TBX18: variants seen among roughly 807,000 people sequenced by gnomAD.
TBX18 encodes the protein T-box transcription factor 18.
Under a neutral mutation model 55.0 loss-of-function variants are expected in TBX18, and 21 were observed. That is an observed-to-expected ratio of 0.38 (90% CI 0.27 to 0.55). The LOEUF (loss-of-function observed/expected upper bound fraction) is 0.55, where lower values mean the gene tolerates loss of function less well. Among genes scored for constraint, TBX18 ranks in the 20% least tolerant of loss-of-function variants. The pLI, the probability that TBX18 is intolerant of heterozygous loss-of-function variation, is 0.73. For synonymous variants in TBX18, 342 were observed against 326.1 expected (o/e 1.05, Z -0.53); for missense variants, 840 against 799.6 (o/e 1.05, Z -0.61).
At position 84,760,337 on chromosome 6, in the gene TBX18, T is replaced by C; in HGVS notation, c.517A>G (p.Arg173Gly). Residue 173 changes from arginine to glycine, a missense_variant, in exon 3 of 8, where the codon AGA (arginine) becomes GGA (glycine). Coordinates refer to ENST00000369663, the MANE Select transcript of TBX18 (RefSeq NM_001080508.3). The stretch of plus-strand genomic sequence containing the variant: ...GGATCTAATCCAGAGATCTTCACTC[T>C]CATTGCTGGAAACATGCGCCTATTT... Reference protein sequence around the residue: ...KAGRRMFPAMRVKISGLDPHQ... With the variant: ...KAGRRMFPAMGVKISGLDPHQ... The C allele has an allele frequency of 6.2e-7, 1 of 1,603,204 alleles. No individual in the cohort carries two copies. Among genetic ancestry groups the C allele is most frequent in the Non-Finnish European group, 8.5e-7 (1 of 1,173,748 alleles).
chr6:84,754,384 A>G (rs1214242906), intron 4 of TBX18, among the ~76,000 whole-genome samples: 2 of 152,168 alleles, frequency 1.3e-5, no homozygotes, highest in African/African-American at 4.8e-5. Context: ...ACCAAAGGCA[A>G]TTCACTTGCT....
At chr6:84,757,288 G>A (rs1010771274) in intron 3 of TBX18, among the ~76,000 whole-genome samples, 1 of 152,188 alleles carries the variant, frequency 6.6e-6, no homozygotes, top group South Asian at 2.1e-4. Context: ...AAAATGCCCC[G>A]CTTCCTTCAA....
chr6:84,748,598 G>C (rs942494726), intron 4 of TBX18, among the ~76,000 whole-genome samples: 3 of 152,234 alleles, frequency 2.0e-5, no homozygotes, highest in African/African-American at 4.8e-5. Flanking sequence ...TCTGTTTTTT[G>C]TGTGGCTCAC....
rs535247265 is a variant in TBX18 at position 84,764,550 on chromosome 6, T to G, written c.-369A>C. The G allele has an allele frequency of 1.5e-4, 31 of 200,342 alleles. 1 individual carries two copies. The highest frequency in any genetic ancestry group is 9.6e-4 in the Admixed American group (16 of 16,586). The allele number at this position is 200,342 out of a possible 1,614,324, so 12.4% of individuals were successfully genotyped here. The stretch of plus-strand genomic sequence containing the variant: ...TGTGGACACAAATTAGGGATTGTAA[T>G]TGAAATTTGTTGCCTTGATCTGTCA... On this transcript the variant is annotated 5_prime_UTR_variant, in exon 1 of 8. Transcript: ENST00000369663.
Position 84,736,694 on chromosome 6 carries a change from A to G in TBX18, c.1815T>C (p.His605=). 4 of 1,559,870 alleles carry G rather than the reference A, an allele frequency of 2.6e-6. No homozygotes were observed. Among genetic ancestry groups the G allele is most frequent in the Non-Finnish European group, 3.5e-6 (4 of 1,157,174 alleles). Residue 605 remains histidine, a synonymous_variant, in exon 8 of 8, where the codon CAT becomes CAC. Coordinates refer to ENST00000369663, the MANE Select transcript of TBX18 (RefSeq NM_001080508.3). ...LTLSSSQVSA[H]MV is the part of the protein sequence containing the mutation. ...TAACTTAAAGGCTTCATCAGACCAT[A>G]TGTGCAGATACTTGAGATGATGACA...
chr6:84,737,908 T>A (rs1248411893), intron 7 of TBX18, among the ~76,000 whole-genome samples: 1 of 152,202 alleles, frequency 6.6e-6, no homozygotes, highest in East Asian at 1.9e-4. Flanking sequence ...CTCACTGGAA[T>A]CTGGGCAGGA....
chr6:84,762,526 C>T lies in TBX18; in HGVS notation c.497+18G>A. ...GGTCTGGGGTAGGGAGGGGCGTCCA[C>T]GCCAGCTTGCCCATTACCTGCCGGC... is the stretch of plus-strand genomic sequence containing the variant. On this transcript the variant is annotated intron_variant, in intron 2 of 7. Transcript: ENST00000369663. The T allele has an allele frequency of 1.9e-6, 3 of 1,613,858 alleles. No individual in the cohort carries two copies. Among genetic ancestry groups the T allele is most frequent in the South Asian group, 1.1e-5 (1 of 91,084 alleles).
chr6:84,744,174 A>G, intron 6 of TBX18, 87 bp downstream of exon 6: 1 of 1,188,198 alleles, frequency 8.4e-7, no homozygotes, highest in South Asian at 1.4e-5. Flanking sequence ...GTATTAGTAA[A>G]TTTAGCCATT....
At chr6:84,763,748 G>A (rs1394100509) in intron 1 of TBX18, 142 bp downstream of exon 1, 10 of 1,411,656 alleles carry the variant, frequency 7.1e-6, no homozygotes, top group African/African-American at 1.5e-5. Context: ...TGCGCGGCGA[G>A]CTTTGCGACT....
Position 84,738,484 on chromosome 6 carries a change from CT to C in TBX18, c.1099+12del. On this transcript the variant is annotated intron_variant, in intron 7 of 7. Coordinates refer to ENST00000369663, the MANE Select transcript of TBX18 (RefSeq NM_001080508.3). Reference sequence around the variant, plus strand: ...CGGGCTGTATATATGACCCAGGAGACTTTGTGAGTTACCTTGCTTGGGAATT... The same window carrying C: ...CGGGCTGTATATATGACCCAGGAGACTTGTGAGTTACCTTGCTTGGGAATT... 6.2e-7 allele frequency: 1 copy of C among 1,611,326 alleles called. No individual in the cohort carries two copies. The highest frequency in any genetic ancestry group is 8.5e-7 in the Non-Finnish European group (1 of 1,177,494).
chr6:84,742,784 G>A (rs545750505), intron 6 of TBX18, among the ~76,000 whole-genome samples: 72 of 151,980 alleles, frequency 4.7e-4, no homozygotes, highest in Non-Finnish European at 9.0e-4. Context: ...AGTAATACAA[G>A]ACTCTTAAAT....
Position 84,760,284 on chromosome 6 carries a change from A to G in TBX18, c.570T>C (p.Asp190=), listed in dbSNP as rs1339205854. Residue 190 remains aspartate (D), a synonymous_variant, in exon 3 of 8, where the codon GAT becomes GAC. Transcript: ENST00000369663. ...ATCTTTTGTTGTCCACTGGTACAATATCCATGGCAATGTAATATTGCTGGT... is the reference window on the plus strand; with the variant it reads ...ATCTTTTGTTGTCCACTGGTACAATGTCCATGGCAATGTAATATTGCTGGT... The part of the protein sequence containing the change: ...DPHQQYYIAM[D]IVPVDNKRYR... 1.9e-6 allele frequency: 3 copies of G among 1,607,302 alleles called. No homozygotes were observed. The Admixed American group carries it at 5.0e-5, about 27-fold the overall frequency.
At position 84,737,154 on chromosome 6, in the gene TBX18, G is replaced by A. The variant is rs770854902; in HGVS notation, c.1355C>T (p.Pro452Leu). ...CACGCCCACATAGGAGGGAGTCCTGGGCGGGGCAAAGGTCTCACCAGCCTG... is the reference window on the plus strand; with the variant it reads ...CACGCCCACATAGGAGGGAGTCCTGAGCGGGGCAAAGGTCTCACCAGCCTG... Reference protein sequence around the residue: ...TNQAGETFAPPRTPSYVGVSS... With the variant: ...TNQAGETFAPLRTPSYVGVSS... Residue 452 changes from proline to leucine, a missense_variant, in exon 8 of 8, where the codon CCC (proline) becomes CTC (leucine). Transcript: ENST00000369663. 1 of 1,614,092 alleles carries A rather than the reference G, an allele frequency of 6.2e-7. No homozygotes were observed. Among genetic ancestry groups the A allele is most frequent in the African/African-American group, 1.3e-5 (1 of 75,058 alleles).
chr6:84,747,938 A>C lies in TBX18; in HGVS notation c.921T>G (p.Thr307=), dbSNP rs1300268532. The part of the protein sequence containing the change: ...SFPETVFTTV[T]AYQNQQITRL... ...ACAATACCTGCTGATTCTGATAGGCAGTGACGGTTGTGAAGACAGTTTCTG... is the reference window on the plus strand; with the variant it reads ...ACAATACCTGCTGATTCTGATAGGCCGTGACGGTTGTGAAGACAGTTTCTG... Residue 307 remains threonine, a synonymous_variant, in exon 5 of 8, where the codon ACT becomes ACG. Transcript: ENST00000369663. 11 of 1,612,980 alleles carry C rather than the reference A, an allele frequency of 6.8e-6. No individual in the cohort carries two copies. The highest frequency in any genetic ancestry group is 9.3e-6 in the Non-Finnish European group (11 of 1,179,240).
Position 84,733,709 on chromosome 6 carries a change from C to T in TBX18, c.*2976G>A, listed in dbSNP as rs1773863670. 1 of 152,190 alleles carries T rather than the reference C, an allele frequency of 6.6e-6. No homozygotes were observed. 9.4% of individuals were successfully genotyped at this position (152,190 alleles called of 1,614,324 possible). A position where few individuals can be genotyped will look rare whatever the true frequency, so the allele number is the denominator to read the frequency against. ...TTACTTTTTCCTCTAAGTCAAACCT[C>T]CAGCTATCTCCAAAGCTGCTGTTTA... is the stretch of plus-strand genomic sequence containing the variant. On this transcript the variant is annotated 3_prime_UTR_variant, in exon 8 of 8. Transcript: ENST00000369663.
intron 6 of TBX18, 66 bp from the exon 7 acceptor site, chr6:84,738,657 A>T: frequency 8.2e-7 from 1 of 1,213,890 alleles, no homozygotes. Context: ...TGGATCTTTC[A>T]CCAGCAGCAA....
At chr6:84,762,889 A>G in intron 1 of TBX18, 141 bp from the exon 2 acceptor site, 1 of 768,520 alleles carries the variant, frequency 1.3e-6, no homozygotes, top group Non-Finnish European at 2.1e-6. Flanking sequence ...AGGTCCTCCT[A>G]AAGAACAAGC....
chr6:84,738,156 A>T (rs1766934914), intron 7 of TBX18, among the ~76,000 whole-genome samples: 1 of 152,122 alleles, frequency 6.6e-6, no homozygotes, highest in African/African-American at 2.4e-5. Context: ...AAGAAAACAA[A>T]CAAGATCTGA....
rs547033356 is a variant in TBX18 at position 84,732,537 on chromosome 6, G to A, written c.*4148C>T. On this transcript the variant is annotated 3_prime_UTR_variant, in exon 8 of 8. Coordinates refer to ENST00000369663, the MANE Select transcript of TBX18 (RefSeq NM_001080508.3). ...AATGTATTTTGAATGGACTTGGAAT[G>A]ATCTCCATATATTATAATAGACTGC... 4.6e-5 allele frequency: 7 copies of A among 152,146 alleles called. No individual in the cohort carries two copies. In the South Asian group the frequency reaches 1.2e-3, roughly 27 times the overall value. 9.4% of individuals were successfully genotyped at this position (152,146 alleles called of 1,614,324 possible). A position where few individuals can be genotyped will look rare whatever the true frequency, so the allele number is the denominator to read the frequency against.
Sources: gnomAD v4.1 joint callset for allele counts (sites outside exome capture counted in the v4.1 genomes callset) on GRCh38, gnomAD v4.1.1 for gene constraint, MANE v1.5 for transcripts, NCBI Gene and HGNC (gene_info 2026-07-23, HGNC 2026-07-21) for gene names.